ITGA1: variants seen among roughly 807,000 people sequenced by gnomAD.
ITGA1 encodes the protein integrin subunit alpha 1, also known as integrin alpha-1.
In ITGA1, 85 loss-of-function variants were observed where a neutral mutation model predicts 145.9. That is an observed-to-expected ratio of 0.58 (90% CI 0.49 to 0.70). ITGA1 has a LOEUF of 0.70. ITGA1 is among the 30% of genes least tolerant of loss of function. The pLI is 0.00. For missense variants in ITGA1, 1,351 were observed against 1,418.7 expected, an observed-to-expected ratio of 0.95 and a Z score of 0.77; for synonymous variants, 520 against 495.3, an observed-to-expected ratio of 1.05 and a Z score of -0.66.
intron 1 of ITGA1, among the ~76,000 whole-genome samples, chr5:52,796,030 C>T (rs1748335032): frequency 6.6e-6 from 1 of 151,856 alleles, no homozygotes; most frequent in East Asian, 1.9e-4. Flanking sequence ...AAATTGAAAA[C>T]AAATATGTTA....
Position 52,861,552 on chromosome 5 carries a change from T to A in ITGA1, c.288T>A (p.Asp96Glu). The change falls in exon 3 of 29, where the codon GAT becomes GAA. Residue 96 changes from aspartate to glutamate, a missense_variant. Coordinates refer to ENST00000282588, the MANE Select transcript of ITGA1 (RefSeq NM_181501.2). ...RGESLPCVKL[D>E]LPVNTSIPNV... ...AATCATTACCTTGTGTAAAGTTGGATCTACCAGGTATGTAAAATTAAAAAA... is the reference window on the plus strand; with the variant it reads ...AATCATTACCTTGTGTAAAGTTGGAACTACCAGGTATGTAAAATTAAAAAA... 1 of 1,597,058 alleles carries A rather than the reference T, an allele frequency of 6.3e-7. No individual in the cohort carries two copies. The highest frequency in any genetic ancestry group is 8.6e-7 in the Non-Finnish European group (1 of 1,164,604).
intron 27 of ITGA1, among the ~76,000 whole-genome samples, chr5:52,946,837 A>G (rs1161595932): frequency 2.0e-5 from 3 of 152,226 alleles, no homozygotes; most frequent in African/African-American, 4.8e-5. Context: ...GAGTGAATAC[A>G]TATGCAAACA....
intron 2 of ITGA1, among the ~76,000 whole-genome samples, chr5:52,860,216 T>C (rs1309606090): frequency 6.6e-6 from 1 of 152,244 alleles, no homozygotes; most frequent in Non-Finnish European, 1.5e-5. Context: ...TTGATAACTA[T>C]ATTTATACTT....
At chr5:52,863,281 T>A (rs1410341827) in intron 3 of ITGA1, among the ~76,000 whole-genome samples, 1 of 152,264 alleles carries the variant, frequency 6.6e-6, no homozygotes. Context: ...TCAAGTCATC[T>A]AGTTATTTGG....
rs1003657630 is a variant in ITGA1 at position 52,953,820 on chromosome 5, G to C, written c.*1369G>C. The C allele has an allele frequency of 3.3e-5, 5 of 152,202 alleles. No individual in the cohort carries two copies. The highest frequency in any genetic ancestry group is 5.9e-5 in the Non-Finnish European group (4 of 68,048). 9.4% of individuals were successfully genotyped at this position (152,202 alleles called of 1,614,324 possible). A position where few individuals can be genotyped will look rare whatever the true frequency, so the allele number is the denominator to read the frequency against. ...TGCTGTAAAGTTTGCTGACATTTCTGCAACAACATTTCTCCATCTGATTTA... is the reference window on the plus strand; with the variant it reads ...TGCTGTAAAGTTTGCTGACATTTCTCCAACAACATTTCTCCATCTGATTTA... On this transcript the variant is annotated 3_prime_UTR_variant, in exon 29 of 29. Coordinates refer to ENST00000282588, the MANE Select transcript of ITGA1 (RefSeq NM_181501.2).
chr5:52,865,111 G>A (rs778870836), intron 5 of ITGA1, 29 bp downstream of exon 5: 1 of 1,485,514 alleles, frequency 6.7e-7, no homozygotes, highest in Non-Finnish European at 9.3e-7. Context: ...GTTCTTGCAT[G>A]TTTGAAAAGC....
chr5:52,880,726 C>G (rs964573583), intron 6 of ITGA1, among the ~76,000 whole-genome samples: 2 of 152,220 alleles, frequency 1.3e-5, no homozygotes, highest in African/African-American at 2.4e-5. Flanking sequence ...TGCAAATTAC[C>G]TCCCTTACCC....
In ITGA1 at chr5:52,873,759, A is replaced by G. The variant is rs536644615; in HGVS notation, c.624+7942A>G. 2.6e-5 allele frequency among the ~76,000 whole-genome samples: 4 copies of G among 152,312 alleles called. No homozygotes were observed. In the East Asian group the frequency reaches 7.7e-4, roughly 29 times the overall value. ...ATAAAGCCTGAGCTCTTTTCATATTAGGCAATTGTGCATCTTACAGGAACA... is the reference window on the plus strand; with the variant it reads ...ATAAAGCCTGAGCTCTTTTCATATTGGGCAATTGTGCATCTTACAGGAACA... On this transcript the variant is annotated intron_variant, in intron 6 of 28. Coordinates refer to ENST00000282588, the MANE Select transcript of ITGA1 (RefSeq NM_181501.2).
chr5:52,809,193 A>G (rs932656850), intron 1 of ITGA1, among the ~76,000 whole-genome samples: 9 of 152,168 alleles, frequency 5.9e-5, no homozygotes, highest in African/African-American at 2.2e-4. Context: ...TCATGTACTA[A>G]GTACCTACTA....
intron 6 of ITGA1, among the ~76,000 whole-genome samples, chr5:52,869,282 T>A (rs1159357777): frequency 2.0e-5 from 3 of 152,300 alleles, no homozygotes; most frequent in African/African-American, 7.2e-5. Context: ...TGCCTCAGCC[T>A]TCTGAGTAGC....
At chr5:52,800,860 A>G in intron 1 of ITGA1, 4 of 1,610,894 alleles carry the variant, frequency 2.5e-6, no homozygotes, top group Non-Finnish European at 2.5e-6. Context: ...CACTCCCAGC[A>G]TGACCCTCAC....
At chr5:52,884,471 A>T (rs1750016243) in intron 7 of ITGA1, among the ~76,000 whole-genome samples, 1 of 151,942 alleles carries the variant, frequency 6.6e-6, no homozygotes, top group Non-Finnish European at 1.5e-5. Flanking sequence ...AAGCCAGAAA[A>T]TCTACTTGTA....
chr5:52,832,175 G>C (rs1243519312), intron 1 of ITGA1, among the ~76,000 whole-genome samples: 1 of 152,038 alleles, frequency 6.6e-6, no homozygotes, highest in Non-Finnish European at 1.5e-5. Context: ...GTAAGCTCTT[G>C]AGCCTCCTGT....
chr5:52,925,432 A>G lies in ITGA1; in HGVS notation c.2558A>G (p.Tyr853Cys). ...GTCAAAAATACAAAGGACAGTGCCT[A>G]TAACACCAGGACAATAGTGCATTAT... ...LTVKNTKDSA[Y>C]NTRTIVHYSP... The change falls in exon 19 of 29, where the codon TAT (tyrosine) becomes TGT (cysteine). Residue 853 changes from tyrosine (Y) to cysteine (C), a missense_variant. Physicochemically the swap from Tyr to Cys is radical, Grantham distance 194. Coordinates refer to ENST00000282588, the MANE Select transcript of ITGA1 (RefSeq NM_181501.2). 1.2e-6 allele frequency: 2 copies of G among 1,614,092 alleles called. No homozygotes were observed. Among genetic ancestry groups the G allele is most frequent in the Non-Finnish European group, 1.7e-6 (2 of 1,179,942 alleles).
intron 1 of ITGA1, among the ~76,000 whole-genome samples, chr5:52,821,363 C>T (rs571536565): frequency 6.6e-6 from 1 of 152,270 alleles, no homozygotes; most frequent in East Asian, 1.9e-4. Context: ...TTAGACAGCT[C>T]TCCTCACCCC....
chr5:52,927,271 G>A (rs1750825990), intron 19 of ITGA1, among the ~76,000 whole-genome samples: 1 of 151,982 alleles, frequency 6.6e-6, no homozygotes, highest in Admixed American at 6.6e-5. Flanking sequence ...ACCAGTCTTG[G>A]GTGTCTGGAT....
intron 1 of ITGA1, among the ~76,000 whole-genome samples, chr5:52,840,589 G>C (rs1474307853): frequency 6.6e-6 from 1 of 152,202 alleles, no homozygotes; most frequent in African/African-American, 2.4e-5. Context: ...AGGTCTGAGA[G>C]GAGCTGGCAA....
intron 1 of ITGA1, among the ~76,000 whole-genome samples, chr5:52,823,417 G>A (rs1030084712): frequency 1.2e-4 from 18 of 152,136 alleles, no homozygotes; most frequent in African/African-American, 4.3e-4. Context: ...TGTTGACCAG[G>A]CTGGTCTCAA....
At position 52,907,748 on chromosome 5, in the gene ITGA1, A is replaced by G. The variant is rs1290452458; in HGVS notation, c.1456-1150A>G. 4.6e-5 allele frequency among the ~76,000 whole-genome samples: 7 copies of G among 152,316 alleles called. No homozygotes were observed. The East Asian group carries it at 1.2e-3, about 25-fold the overall frequency. ...CAAAAAAACACAGGAAGTGGTGGGA[A>G]CCATGGCCCTGGGCAGCTTGTGAGC... On this transcript the variant is annotated intron_variant, in intron 12 of 28. Coordinates refer to ENST00000282588, the MANE Select transcript of ITGA1 (RefSeq NM_181501.2).
Sources: allele counts gnomAD v4.1 joint callset (sites outside exome capture counted in the v4.1 genomes callset), GRCh38; gene constraint gnomAD v4.1.1; transcripts MANE v1.5; gene names NCBI Gene and HGNC (gene_info 2026-07-23, HGNC 2026-07-21).